BICC1: variants seen among roughly 807,000 people sequenced by gnomAD.
BICC1 encodes the protein BicC family RNA binding protein 1, also known as protein bicaudal C homolog 1.
Under a neutral mutation model 111.0 loss-of-function variants are expected in BICC1, and 43 were observed. That is an observed-to-expected ratio of 0.39 (90% confidence interval 0.30 to 0.50). The LOEUF (loss-of-function observed/expected upper bound fraction) is 0.50. Among genes scored for constraint, BICC1 ranks in the 20% least tolerant of loss-of-function variants. The probability of loss-of-function intolerance (pLI) is 0.88; values close to 1 mark genes in which losing one functional copy is unlikely to be tolerated. For missense variants in BICC1, 1,091 were observed against 1,203.2 expected (o/e 0.91, Z 1.38); for synonymous variants, 467 against 434.4 (o/e 1.07, Z -0.93).
At chr10:58,519,544 G>A (rs199576564) in intron 1 of BICC1, among the ~76,000 whole-genome samples, 2 of 152,142 alleles carry the variant, frequency 1.3e-5, no homozygotes, top group African/African-American at 4.8e-5. Context: ...GGACTGTGCT[G>A]ATAATCTGTA....
At chr10:58,655,205 T>G (rs1217571210) in intron 2 of BICC1, among the ~76,000 whole-genome samples, 1 of 145,990 alleles carries the variant, frequency 6.8e-6, no homozygotes, top group Non-Finnish European at 1.5e-5. Context: ...AGTAGTTTTT[T>G]CCAATTCTGT....
intron 2 of BICC1, among the ~76,000 whole-genome samples, chr10:58,687,238 T>C (rs1287424634): frequency 6.6e-6 from 1 of 152,224 alleles, no homozygotes; most frequent in Non-Finnish European, 1.5e-5. Flanking sequence ...CTGGAAGTTT[T>C]GTCTCAGAGG....
chr10:58,566,886 A>G (rs551554941), intron 1 of BICC1, among the ~76,000 whole-genome samples: 17 of 152,256 alleles, frequency 1.1e-4, no homozygotes, highest in Admixed American at 3.9e-4. Context: ...CCTGGTGTTT[A>G]AGTCCACAGC....
intron 1 of BICC1, among the ~76,000 whole-genome samples, chr10:58,546,519 A>G (rs1331397655): frequency 6.6e-6 from 1 of 152,154 alleles, no homozygotes; most frequent in African/African-American, 2.4e-5. Context: ...TTCAGCCTCT[A>G]GTGTAGGATA....
At chr10:58,682,674 G>A (rs1214808621) in intron 2 of BICC1, among the ~76,000 whole-genome samples, 3 of 152,170 alleles carry the variant, frequency 2.0e-5, no homozygotes, top group Non-Finnish European at 4.4e-5. Context: ...CTGCATAAAT[G>A]TCTTCTTTTG....
chr10:58,652,005 G>A (rs796982613), intron 2 of BICC1, among the ~76,000 whole-genome samples: 62 of 152,030 alleles, frequency 4.1e-4, no homozygotes, highest in African/African-American at 1.2e-3. Flanking sequence ...TTCCAAATTC[G>A]GTAATGAACT....
At chr10:58,591,423 A>G (rs770395899) in intron 1 of BICC1, among the ~76,000 whole-genome samples, 3 of 152,188 alleles carry the variant, frequency 2.0e-5, no homozygotes, top group African/African-American at 2.4e-5. Flanking sequence ...GGGAAGTCAA[A>G]GATCAAGCGT....
At position 58,526,313 on chromosome 10, in the gene BICC1, T is replaced by G. The variant is rs543499454; in HGVS notation, c.190+12980T>G. ...TTAGGGTTGTTGTAAGGTCTAGACT[T>G]TTGTATGTTGTGGAGATGTATCATA... is the stretch of plus-strand genomic sequence containing the variant. On this transcript the variant is annotated intron_variant, in intron 1 of 20. Transcript: ENST00000373886. Among the ~76,000 whole-genome samples, 4 of 151,944 alleles carry G rather than the reference T, an allele frequency of 2.6e-5. No homozygotes were observed. In the East Asian group the frequency reaches 7.8e-4, roughly 29 times the overall value.
chr10:58,823,812 A>G (rs1844319466), intron 20 of BICC1: 1 of 985,186 alleles, frequency 1.0e-6, no homozygotes. Flanking sequence ...AAGGGGATTC[A>G]TTTATTCTTA....
chr10:58,722,473 C>A (rs117032841), intron 3 of BICC1, among the ~76,000 whole-genome samples: 1 of 152,106 alleles, frequency 6.6e-6, no homozygotes, highest in Non-Finnish European at 1.5e-5. Flanking sequence ...CATATAATCA[C>A]TTTACAGTAT....
chr10:58,692,208 T>C (rs1839931080), intron 2 of BICC1, among the ~76,000 whole-genome samples: 1 of 151,924 alleles, frequency 6.6e-6, no homozygotes, highest in Admixed American at 6.6e-5. Flanking sequence ...TGACCTCTGA[T>C]GGGGAGAGTT....
chr10:58,515,523 A>C (rs1233716761), intron 1 of BICC1, among the ~76,000 whole-genome samples: 1 of 152,182 alleles, frequency 6.6e-6, no homozygotes, highest in Non-Finnish European at 1.5e-5. Context: ...TAAACATTGG[A>C]AAGGTAATGT....
chr10:58,811,578 A>T (rs1451358135), intron 17 of BICC1, among the ~76,000 whole-genome samples: 1 of 152,020 alleles, frequency 6.6e-6, no homozygotes, highest in East Asian at 1.9e-4. Flanking sequence ...TAATTCAATA[A>T]TTCCACAAAT....
At chr10:58,624,578 C>T (rs982684025) in intron 2 of BICC1, among the ~76,000 whole-genome samples, 1 of 151,964 alleles carries the variant, frequency 6.6e-6, no homozygotes, top group Non-Finnish European at 1.5e-5. Context: ...AATCTGTAAT[C>T]TTGCCTTTTT....
intron 1 of BICC1, among the ~76,000 whole-genome samples, chr10:58,527,809 T>G (rs910710617): frequency 3.9e-5 from 6 of 151,984 alleles, no homozygotes; most frequent in Non-Finnish European, 8.8e-5. Flanking sequence ...AGTGCCCTGC[T>G]GAAATGCAGA....
intron 3 of BICC1, among the ~76,000 whole-genome samples, chr10:58,769,404 G>GTGTGTGTGTGTGTGTATA (rs1050060686): frequency 3.6e-5 from 4 of 109,760 alleles, no homozygotes; most frequent in African/African-American, 9.6e-5. Flanking sequence ...GTGTGTGTGT[G>GTGTGTGTGTGTGTGTATA]TATATATATA....
At chr10:58,721,701 G>A (rs1037035749) in intron 3 of BICC1, among the ~76,000 whole-genome samples, 2 of 152,020 alleles carry the variant, frequency 1.3e-5, no homozygotes, top group Admixed American at 1.3e-4. Flanking sequence ...AGAAAGAGAG[G>A]GTCTAGAAAT....
chr10:58,809,916 G>A (rs1013074604), intron 17 of BICC1, among the ~76,000 whole-genome samples: 9 of 152,102 alleles, frequency 5.9e-5, no homozygotes, highest in Non-Finnish European at 1.3e-4. Flanking sequence ...AGCAAAGGGT[G>A]GTATGTAACT....
intron 2 of BICC1, among the ~76,000 whole-genome samples, chr10:58,697,470 T>G: frequency 6.6e-6 from 1 of 152,328 alleles, no homozygotes; most frequent in African/African-American, 2.4e-5. Context: ...TTTTTAGAGA[T>G]CAAAAACCAA....
Sources: allele counts gnomAD v4.1 joint callset (sites outside exome capture counted in the v4.1 genomes callset), GRCh38; gene constraint gnomAD v4.1.1; transcripts MANE v1.5; gene names NCBI Gene and HGNC (gene_info 2026-07-23, HGNC 2026-07-21).